Variants in PLEKHA7 observed in about 807,000 individuals in gnomAD.
PLEKHA7 encodes pleckstrin homology domain-containing family A member 7.
In PLEKHA7, 104 loss-of-function variants were observed where a neutral mutation model predicts 170.0. The observed-to-expected ratio is 0.61, with a 90% CI of 0.52 to 0.72. PLEKHA7 has a LOEUF of 0.72. Among genes scored for constraint, PLEKHA7 ranks in the 30% least tolerant of loss-of-function variants. The pLI is 0.00. For missense variants in PLEKHA7, 1,615 were observed against 1,671.7 expected (o/e 0.97, Z 0.59); for synonymous variants, 648 against 660.8 (o/e 0.98, Z 0.30).
intron 3 of PLEKHA7, among the ~76,000 whole-genome samples, chr11:16,976,027 T>A (rs2136778895): frequency 6.6e-6 from 1 of 152,330 alleles, no homozygotes; most frequent in African/African-American, 2.4e-5. Flanking sequence ...ATGGTCTGCA[T>A]CCCTCTGGCC....
chr11:16,853,517 G>GC (rs565607328), intron 6 of PLEKHA7, among the ~76,000 whole-genome samples: 100 of 152,286 alleles, frequency 6.6e-4, no homozygotes, highest in African/African-American at 2.4e-3. Context: ...CCCCAGTATA[G>GC]CCACTCTCTG....
chr11:16,938,622 A>G (rs1860474616), intron 3 of PLEKHA7, among the ~76,000 whole-genome samples: 1 of 152,144 alleles, frequency 6.6e-6, no homozygotes, highest in Non-Finnish European at 1.5e-5. Context: ...ATACATCATG[A>G]TTTTTGGATC....
intron 3 of PLEKHA7, among the ~76,000 whole-genome samples, chr11:16,871,473 T>C (rs1590407532): frequency 2.6e-5 from 4 of 152,144 alleles, no homozygotes; most frequent in Admixed American, 6.5e-5. Flanking sequence ...ATGAAGTACT[T>C]ACTCCAGCAA....
In PLEKHA7 at chr11:16,905,225, C is replaced by A. The variant is rs1354165019; in HGVS notation, c.222-34043G>T. ...CATGGTCATGCCACTGCACTCCAAC[C>A]TGGGTGTCAGAGCAGGAAGATCCTG... On this transcript the variant is annotated intron_variant, in intron 3 of 26. Coordinates refer to ENST00000531066, the MANE Select transcript of PLEKHA7 (RefSeq NM_001329630.2). Among the ~76,000 whole-genome samples the A allele has an allele frequency of 2.0e-5, 3 of 152,156 alleles. No homozygotes were observed. The South Asian group carries it at 6.2e-4, about 32-fold the overall frequency.
chr11:16,894,289 C>T (rs979819002), intron 3 of PLEKHA7, among the ~76,000 whole-genome samples: 7 of 152,290 alleles, frequency 4.6e-5, no homozygotes, highest in Admixed American at 4.6e-4. Context: ...CGGAAATTCT[C>T]CACCCAAACC....
chr11:16,802,042 C>G (rs1590165548), intron 15 of PLEKHA7, among the ~76,000 whole-genome samples: 1 of 152,200 alleles, frequency 6.6e-6, no homozygotes, highest in South Asian at 2.1e-4. Context: ...CATCTATAAA[C>G]TAGGGATACA....
At chr11:16,995,443 T>A (rs1188948616) in intron 3 of PLEKHA7, among the ~76,000 whole-genome samples, 1 of 152,042 alleles carries the variant, frequency 6.6e-6, no homozygotes, top group Non-Finnish European at 1.5e-5. Context: ...CCCCGCCCAA[T>A]CCCAGTTCAC....
intron 13 of PLEKHA7, 175 bp from the exon 14 acceptor site, chr11:16,803,470 T>C (rs1366119770): frequency 1.3e-5 from 8 of 619,916 alleles, no homozygotes; most frequent in Non-Finnish European, 2.2e-5. Flanking sequence ...GCCTATTTCA[T>C]TTTAGGAAAA....
chr11:16,876,433 C>T (rs1305028457), intron 3 of PLEKHA7, among the ~76,000 whole-genome samples: 1 of 152,246 alleles, frequency 6.6e-6, no homozygotes, highest in African/African-American at 2.4e-5. Flanking sequence ...CCCGCTCTTC[C>T]TCCCAGAAGC....
At chr11:16,931,535 C>A (rs1271008899) in intron 3 of PLEKHA7, among the ~76,000 whole-genome samples, 1 of 151,824 alleles carries the variant, frequency 6.6e-6, no homozygotes, top group Non-Finnish European at 1.5e-5. Context: ...TCAGCCTGGC[C>A]AACATGGCAA....
intron 8 of PLEKHA7, among the ~76,000 whole-genome samples, chr11:16,849,270 G>A (rs1399853484): frequency 6.6e-6 from 1 of 152,144 alleles, no homozygotes; most frequent in Admixed American, 6.5e-5. Flanking sequence ...CACCTCCAAT[G>A]AAGTGTTAAG....
At position 17,003,942 on chromosome 11, in the gene PLEKHA7, C is replaced by T. The variant is rs576165950; in HGVS notation, c.221+10047G>A. On this transcript the variant is annotated intron_variant, in intron 3 of 26. Transcript: ENST00000531066. Reference sequence around the variant, plus strand: ...GATACTTTCCTTAAGTCCTCCTGTACATCCTGTTTGGAGATGTAGGGCCCA... The same window carrying T: ...GATACTTTCCTTAAGTCCTCCTGTATATCCTGTTTGGAGATGTAGGGCCCA... 2.6e-5 allele frequency among the ~76,000 whole-genome samples: 4 copies of T among 152,296 alleles called. No individual in the cohort carries two copies. The East Asian group carries it at 7.7e-4, about 29-fold the overall frequency.
At chr11:16,897,523 G>T (rs1369423786) in intron 3 of PLEKHA7, among the ~76,000 whole-genome samples, 1 of 152,178 alleles carries the variant, frequency 6.6e-6, no homozygotes, top group African/African-American at 2.4e-5. Flanking sequence ...GCAGGGGACT[G>T]GTGGTAAGTG....
intron 3 of PLEKHA7, among the ~76,000 whole-genome samples, chr11:16,968,524 C>A (rs1371958029): frequency 2.6e-5 from 4 of 152,238 alleles, no homozygotes; most frequent in Non-Finnish European, 5.9e-5. Flanking sequence ...GCCAGGCCAT[C>A]TGGGGTGGTT....
chr11:16,858,891 A>G (rs1278387622), intron 4 of PLEKHA7, among the ~76,000 whole-genome samples: 1 of 152,090 alleles, frequency 6.6e-6, no homozygotes, highest in African/African-American at 2.4e-5. Flanking sequence ...TTCTAACTCC[A>G]CGTCTCCTCC....
intron 3 of PLEKHA7, among the ~76,000 whole-genome samples, chr11:16,882,860 T>TCACACACACACACACACACACA (rs768102944): frequency 6.6e-6 from 1 of 151,724 alleles, no homozygotes; most frequent in African/African-American, 2.4e-5. Flanking sequence ...ATACACATAT[T>TCACACACACACACACACACACA]CACACACACA....
chr11:16,910,989 T>C (rs1858208197), intron 3 of PLEKHA7, among the ~76,000 whole-genome samples: 1 of 152,238 alleles, frequency 6.6e-6, no homozygotes, highest in African/African-American at 2.4e-5. Flanking sequence ...TGATGTGACA[T>C]TTTTTAACTG....
intron 26 of PLEKHA7, among the ~76,000 whole-genome samples, chr11:16,779,274 T>C (rs1167960943): frequency 6.6e-6 from 1 of 151,968 alleles, no homozygotes; most frequent in African/African-American, 2.4e-5. Context: ...GGGCAAAGAC[T>C]CTAATAAAGG....
rs535088048 is a variant in PLEKHA7 at position 17,013,095 on chromosome 11, T to G, written c.221+894A>C. On this transcript the variant is annotated intron_variant, in intron 3 of 26. Transcript: ENST00000531066. The stretch of plus-strand genomic sequence containing the variant: ...ACATTTACCGAGTGCCTACTTGCTG[T>G]CCGGCACTGGGGCAAGGGGTCAAAG... 7 of 152,448 alleles carry G rather than the reference T, an allele frequency of 4.6e-5. No homozygotes were observed. The East Asian group carries it at 1.4e-3, about 29-fold the overall frequency. The allele number at this position is 152,448 out of a possible 1,614,324, so 9.4% of individuals were successfully genotyped here.
Sources: allele counts gnomAD v4.1 joint callset (sites outside exome capture counted in the v4.1 genomes callset), GRCh38; gene constraint gnomAD v4.1.1; transcripts MANE v1.5; gene names NCBI Gene and HGNC (gene_info 2026-07-23, HGNC 2026-07-21).